Variants in GTF2I observed in about 807,000 individuals in gnomAD.
GTF2I encodes the protein general transcription factor IIi.
GTF2I carries 12 observed loss-of-function variants against 67.6 expected under a neutral mutation model. The ratio of observed to expected loss-of-function variants is 0.18; its 90% CI spans 0.11 to 0.29. The LOEUF is 0.29. Ranked by LOEUF, GTF2I falls within the 10% of genes least tolerant of loss-of-function variation. GTF2I has a pLI of 1.00. For synonymous variants in GTF2I, 149 were observed against 197.0 expected (o/e 0.76, Z 2.04); for missense variants, 271 against 580.1 (o/e 0.47, Z 5.47).
chr7:74,693,882 T>C (rs1788617646), intron 3 of GTF2I, among the ~76,000 whole-genome samples: 1 of 152,000 alleles, frequency 6.6e-6, no homozygotes, highest in Admixed American at 6.6e-5. Flanking sequence ...TTAATAGACC[T>C]ATAGTGGCCT....
At chr7:74,687,328 G>A (rs1348293679) in intron 1 of GTF2I, among the ~76,000 whole-genome samples, 1 of 152,096 alleles carries the variant, frequency 6.6e-6, no homozygotes, top group Non-Finnish European at 1.5e-5. Context: ...GGGCTCAAGC[G>A]ATTCTCCTGC....
intron 1 of GTF2I, among the ~76,000 whole-genome samples, chr7:74,660,311 T>TC (rs1310394759): frequency 2.0e-5 from 3 of 149,810 alleles, no homozygotes; most frequent in African/African-American, 7.4e-5. Context: ...TGCCTCAGTC[T>TC]CCCCCGAGTA....
At chr7:74,733,489 G>T in intron 15 of GTF2I, 1 of 154,972 alleles carries the variant, frequency 6.5e-6, no homozygotes, top group Admixed American at 6.4e-5. Context: ...TGTGGGCTGG[G>T]TGTAGTGGCT....
chr7:74,708,176 G>A (rs894278119), intron 8 of GTF2I, among the ~76,000 whole-genome samples: 8 of 152,122 alleles, frequency 5.3e-5, no homozygotes, highest in South Asian at 4.1e-4. Context: ...GGTGGTGGGC[G>A]CCTGTAATCC....
chr7:74,667,304 C>T (rs182871748), intron 1 of GTF2I, among the ~76,000 whole-genome samples: 1 of 152,256 alleles, frequency 6.6e-6, no homozygotes, highest in African/African-American at 2.4e-5. Flanking sequence ...GATCTTGCCA[C>T]TGCTCTCCAG....
chr7:74,664,990 G>A (rs1223758850), intron 1 of GTF2I, among the ~76,000 whole-genome samples: 4 of 151,014 alleles, frequency 2.6e-5, no homozygotes, highest in African/African-American at 9.7e-5. Flanking sequence ...TGCCCAGGCT[G>A]GAGTGTAGTG....
At chr7:74,705,342 A>G (rs1235384291) in intron 7 of GTF2I, 124 bp downstream of exon 7, 1 of 671,722 alleles carries the variant, frequency 1.5e-6, no homozygotes, top group Non-Finnish European at 2.7e-6. Context: ...TTAATAGGCA[A>G]GGATATCATT....
chr7:74,663,470 T>C (rs1330415870), intron 1 of GTF2I, among the ~76,000 whole-genome samples: 1 of 152,002 alleles, frequency 6.6e-6, no homozygotes, highest in Non-Finnish European at 1.5e-5. Context: ...GTATTTTTCA[T>C]AGAGATGGGG....
At chr7:74,720,364 A>T (rs1482878733) in intron 12 of GTF2I, among the ~76,000 whole-genome samples, 1 of 152,156 alleles carries the variant, frequency 6.6e-6, no homozygotes, top group East Asian at 1.9e-4. Context: ...ACTACTCCAA[A>T]CTACTCAACG....
At chr7:74,691,204 CTTTCTT>C in intron 3 of GTF2I, 93 bp downstream of exon 3, 3 of 850,686 alleles carry the variant, frequency 3.5e-6, no homozygotes, top group Admixed American at 6.3e-5. Flanking sequence ...TTCTTTCTTT[CTTTCTT>C]TTTTTTTTTT....
In GTF2I at chr7:74,718,310, AACACTCTG is replaced by A. The variant is rs587664046; in HGVS notation, c.881-567_881-560del. 3.5e-4 allele frequency among the ~76,000 whole-genome samples: 54 copies of A among 152,368 alleles called. No homozygotes were observed. The South Asian group carries it at 0.011, about 32-fold the overall frequency. On this transcript the variant is annotated intron_variant, in intron 11 of 34. Coordinates refer to ENST00000573035, the MANE Select transcript of GTF2I (RefSeq NM_032999.4). ...AAATACTCTATAAGCTTCTAGCACT[AACACTCTG>A]ATGTACATTTGTCTTGTGTAGGAAC... is the stretch of plus-strand genomic sequence containing the variant.
intron 3 of GTF2I, among the ~76,000 whole-genome samples, chr7:74,694,304 C>T (rs1788668311): frequency 1.3e-5 from 2 of 152,100 alleles, no homozygotes; most frequent in South Asian, 4.1e-4. Context: ...AAGACACAGT[C>T]AGCTGGGGGC....
At chr7:74,663,567 A>G (rs1804706307) in intron 1 of GTF2I, among the ~76,000 whole-genome samples, 1 of 152,216 alleles carries the variant, frequency 6.6e-6, no homozygotes, top group African/African-American at 2.4e-5. Context: ...CTGAGATTAC[A>G]GGCGTGAGCC....
chr7:74,701,181 G>A (rs752778863), intron 6 of GTF2I, among the ~76,000 whole-genome samples: 9 of 152,094 alleles, frequency 5.9e-5, no homozygotes, highest in South Asian at 4.1e-4. Flanking sequence ...AGAATGATGC[G>A]GATTTCAGCT....
chr7:74,705,665 G>A (rs1554401144), intron 7 of GTF2I, among the ~76,000 whole-genome samples: 5 of 151,478 alleles, frequency 3.3e-5, no homozygotes, highest in South Asian at 2.1e-4. Context: ...GGGTTCAAGC[G>A]ATTCTCCTGC....
intron 3 of GTF2I, among the ~76,000 whole-genome samples, chr7:74,694,046 C>T (rs990526781): frequency 2.4e-4 from 36 of 152,252 alleles, no homozygotes; most frequent in African/African-American, 8.2e-4. Flanking sequence ...AGGAAAAGTT[C>T]TCGAAGGAAA....
At chr7:74,676,613 A>C (rs905194469) in intron 1 of GTF2I, among the ~76,000 whole-genome samples, 1 of 152,214 alleles carries the variant, frequency 6.6e-6, no homozygotes, top group Admixed American at 6.5e-5. Context: ...AAACATTAAG[A>C]TATTTACAAA....
At chr7:74,676,040 A>T (rs1554392276) in intron 1 of GTF2I, among the ~76,000 whole-genome samples, 1 of 151,954 alleles carries the variant, frequency 6.6e-6, no homozygotes. Flanking sequence ...AAACCAAATA[A>T]AAAGACAGAG....
At chr7:74,691,801 G>A (rs1197060936) in intron 3 of GTF2I, among the ~76,000 whole-genome samples, 1 of 151,124 alleles carries the variant, frequency 6.6e-6, no homozygotes, top group African/African-American at 2.4e-5. Flanking sequence ...TTGAGACAGA[G>A]TTTCACTCTT....
Sources: allele counts gnomAD v4.1 joint callset (sites outside exome capture counted in the v4.1 genomes callset), GRCh38; gene constraint gnomAD v4.1.1; transcripts MANE v1.5; gene names NCBI Gene and HGNC (gene_info 2026-07-23, HGNC 2026-07-21).